TBC1D5: variants seen among roughly 807,000 people sequenced by gnomAD.
TBC1D5 encodes TBC1 domain family, member 5.
TBC1D5 carries 75 observed loss-of-function variants against 100.3 expected under a neutral mutation model. The observed-to-expected ratio is 0.75, with a 90% CI of 0.62 to 0.91. TBC1D5 has a LOEUF of 0.91. Among genes scored for constraint, TBC1D5 ranks in the 40% least tolerant of loss-of-function variants. The probability of loss-of-function intolerance (pLI) is 0.00; values close to 1 mark genes in which losing one functional copy is unlikely to be tolerated. For missense variants in TBC1D5, 910 were observed against 942.4 expected (o/e 0.97, Z 0.45); for synonymous variants, 323 against 325.6 (o/e 0.99, Z 0.09).
chr3:17,521,087 C>T (rs566363242), intron 2 of TBC1D5, among the ~76,000 whole-genome samples: 44 of 152,284 alleles, frequency 2.9e-4, no homozygotes, highest in Non-Finnish European at 5.6e-4. Flanking sequence ...AATGAACAAA[C>T]TTCTTAGTGG....
chr3:17,441,497 G>C (rs1202555545), intron 3 of TBC1D5, among the ~76,000 whole-genome samples: 3 of 152,138 alleles, frequency 2.0e-5, no homozygotes, highest in Non-Finnish European at 4.4e-5. Context: ...AAGCACAAAG[G>C]CACTACTACA....
chr3:17,714,422 A>C (rs1248678240), intron 1 of TBC1D5, among the ~76,000 whole-genome samples: 3 of 152,162 alleles, frequency 2.0e-5, no homozygotes, highest in African/African-American at 7.2e-5. Context: ...TGAGAACTCT[A>C]AGCTTCCACC....
intron 13 of TBC1D5, among the ~76,000 whole-genome samples, chr3:17,371,340 A>C (rs2092447418): frequency 6.6e-6 from 1 of 152,190 alleles, no homozygotes; most frequent in African/African-American, 2.4e-5. Flanking sequence ...CGACTCATAC[A>C]ACTTCTTGGA....
At chr3:17,625,406 G>A (rs888374422) in intron 1 of TBC1D5, among the ~76,000 whole-genome samples, 3 of 151,756 alleles carry the variant, frequency 2.0e-5, no homozygotes, top group Non-Finnish European at 2.9e-5. Context: ...TTCTTACCAC[G>A]GTTTTTTATG....
At chr3:17,290,733 G>A (rs2081640693) in intron 15 of TBC1D5, among the ~76,000 whole-genome samples, 1 of 151,932 alleles carries the variant, frequency 6.6e-6, no homozygotes, top group African/African-American at 2.4e-5. Flanking sequence ...ATATAAATAT[G>A]GAACTTTCAA....
At chr3:17,645,880 C>T (rs2153705638) in intron 1 of TBC1D5, among the ~76,000 whole-genome samples, 1 of 152,138 alleles carries the variant, frequency 6.6e-6, no homozygotes, top group Middle Eastern at 3.4e-3. Context: ...AACATGACAA[C>T]TCATGTCTCT....
chr3:17,587,625 T>A (rs767551727), intron 2 of TBC1D5, among the ~76,000 whole-genome samples: 8 of 152,032 alleles, frequency 5.3e-5, no homozygotes, highest in Non-Finnish European at 1.0e-4. Context: ...GTATGTCGGT[T>A]TGGTGAAGAG....
chr3:17,611,098 T>C (rs543692690), intron 2 of TBC1D5, among the ~76,000 whole-genome samples: 2 of 152,174 alleles, frequency 1.3e-5, no homozygotes, highest in South Asian at 4.1e-4. Flanking sequence ...ATAATGATAA[T>C]GATGATGAAT....
rs1451509607 is a variant in TBC1D5 at position 17,430,903 on chromosome 3, C to A, written c.98-2384G>T. Among the ~76,000 whole-genome samples, 4 of 151,722 alleles carry A rather than the reference C, an allele frequency of 2.6e-5. No homozygotes were observed. In the East Asian group the frequency reaches 7.7e-4, roughly 29 times the overall value. ...TGAAACATTTGGAGAGGCTTAATACCAGTAACTAGGAGAAATCAAAGACAA... is the reference window on the plus strand; with the variant it reads ...TGAAACATTTGGAGAGGCTTAATACAAGTAACTAGGAGAAATCAAAGACAA... On this transcript the variant is annotated intron_variant, in intron 3 of 21. Transcript: ENST00000253692.
intron 1 of TBC1D5, among the ~76,000 whole-genome samples, chr3:17,671,311 G>A (rs2067909968): frequency 1.3e-5 from 2 of 152,144 alleles, no homozygotes; most frequent in African/African-American, 4.8e-5. Context: ...AGAAAGCAGA[G>A]CCTAGCAAAG....
chr3:17,438,181 CA>C (rs1447919512), intron 3 of TBC1D5, among the ~76,000 whole-genome samples: 1 of 152,138 alleles, frequency 6.6e-6, no homozygotes, highest in Non-Finnish European at 1.5e-5. Flanking sequence ...GCATTTTAGA[CA>C]ATTACAAAAC....
chr3:17,221,094 A>C (rs1225093323), intron 17 of TBC1D5, among the ~76,000 whole-genome samples: 2 of 151,984 alleles, frequency 1.3e-5, no homozygotes, highest in Admixed American at 6.6e-5. Context: ...GGGATAATTC[A>C]TATCTTCCTT....
At chr3:17,725,897 T>C (rs1377655032) in intron 1 of TBC1D5, among the ~76,000 whole-genome samples, 1 of 152,214 alleles carries the variant, frequency 6.6e-6, no homozygotes, top group African/African-American at 2.4e-5. Context: ...CCCCAGTGTC[T>C]GTTGTTCCCT....
intron 1 of TBC1D5, among the ~76,000 whole-genome samples, chr3:17,654,317 A>G (rs1386149455): frequency 6.6e-6 from 1 of 152,200 alleles, no homozygotes; most frequent in Non-Finnish European, 1.5e-5. Context: ...TCTTAGACAC[A>G]TAATGAAATG....
At chr3:17,352,155 GC>G (rs1444060593) in intron 13 of TBC1D5, among the ~76,000 whole-genome samples, 2 of 152,026 alleles carry the variant, frequency 1.3e-5, no homozygotes, top group Non-Finnish European at 2.9e-5. Context: ...TTAATGCAGA[GC>G]ATTATGCACT....
chr3:17,251,447 C>T lies in TBC1D5; in HGVS notation c.1331+7059G>A, dbSNP rs1317357842. The stretch of plus-strand genomic sequence containing the variant: ...GGAACCCCCCCCCCCCCAGTAGAAG[C>T]GATTAGAAGTGGAGGTTAGACAAGA... On this transcript the variant is annotated intron_variant, in intron 16 of 21. Coordinates refer to ENST00000253692, the Ensembl canonical transcript of TBC1D5. Among the ~76,000 whole-genome samples the T allele has an allele frequency of 7.3e-5, 9 of 123,618 alleles. No homozygotes were observed. In the East Asian group the frequency reaches 1.6e-3, roughly 21 times the overall value. The allele number at this position is 123,618 out of a possible 152,430, so 81.1% of individuals were successfully genotyped here.
chr3:17,598,124 C>T (rs747788627), intron 2 of TBC1D5, among the ~76,000 whole-genome samples: 98 of 150,624 alleles, frequency 6.5e-4, no homozygotes, highest in Non-Finnish European at 5.9e-4. Context: ...GTCAAATTGT[C>T]TGAGAAGTGA....
At chr3:17,545,105 T>TA (rs1473918313) in intron 2 of TBC1D5, among the ~76,000 whole-genome samples, 2 of 152,106 alleles carry the variant, frequency 1.3e-5, no homozygotes, top group African/African-American at 2.4e-5. Context: ...TTTTATTTTT[T>TA]AAAAAAAGCA....
chr3:17,455,494 A>ATATATATG lies in TBC1D5; in HGVS notation c.98-26976_98-26975insCATATATA, dbSNP rs1441266995. 9.2e-3 allele frequency among the ~76,000 whole-genome samples: 1,248 copies of ATATATATG among 135,744 alleles called. 25 individuals carry two copies. Among genetic ancestry groups the ATATATATG allele is most frequent in the African/African-American group, 0.035 (1,163 of 32,928 alleles). The allele number at this position is 135,744 out of a possible 152,430, so 89.1% of individuals were successfully genotyped here. ...TGTATATATATGTATATATATGTGT[A>ATATATATG]TATATATATGTGTGTGTGTATATAT... On this transcript the variant is annotated intron_variant, in intron 3 of 21. Transcript: ENST00000253692.
Sources: allele counts gnomAD v4.1 joint callset (sites outside exome capture counted in the v4.1 genomes callset), GRCh38; gene constraint gnomAD v4.1.1; transcripts MANE v1.5; gene names NCBI Gene and HGNC (gene_info 2026-07-23, HGNC 2026-07-21).